The following CEP104 variants were observed in gnomAD, a reference collection of about 807,000 sequenced individuals.
The protein encoded by CEP104 is centrosomal protein of 104 kDa.
Under a neutral mutation model 113.3 loss-of-function variants are expected in CEP104, and 84 were observed. The observed-to-expected ratio is 0.74, with a 90% CI of 0.62 to 0.89. The LOEUF is 0.89. CEP104 is among the 40% of genes least tolerant of loss of function. The pLI is 0.00. For synonymous variants in CEP104, 378 were observed against 421.7 expected, an observed-to-expected ratio of 0.90 and a Z score of 1.27; for missense variants, 1,053 against 1,156.6, an observed-to-expected ratio of 0.91 and a Z score of 1.30.
At chr1:3,816,119 C>T (rs1045256202) in intron 21 of CEP104, 161 bp downstream of exon 21, 4 of 598,876 alleles carry the variant, frequency 6.7e-6, no homozygotes, top group Non-Finnish European at 1.1e-5. Flanking sequence ...TGATTATTAG[C>T]CTGCTTACTA....
intron 3 of CEP104, among the ~76,000 whole-genome samples, chr1:3,848,094 T>C (rs1319681401): frequency 6.6e-6 from 1 of 152,042 alleles, no homozygotes; most frequent in African/African-American, 2.4e-5. Flanking sequence ...ATCTGAAAAG[T>C]AGAGTTGAAT....
chr1:3,833,119 G>C (rs1458029525), intron 12 of CEP104, among the ~76,000 whole-genome samples: 29 of 151,592 alleles, frequency 1.9e-4, no homozygotes, highest in Non-Finnish European at 1.5e-5. Flanking sequence ...TAGCTGGGAC[G>C]ACAGGCACGC....
chr1:3,829,189 C>A, intron 15 of CEP104, 77 bp downstream of exon 15: 1 of 988,214 alleles, frequency 1.0e-6, no homozygotes, highest in South Asian at 1.8e-5. Flanking sequence ...AAAAATAAGT[C>A]AAGTATGATG....
chr1:3,834,489 A>T (rs1472308095), intron 11 of CEP104, among the ~76,000 whole-genome samples: 2 of 152,170 alleles, frequency 1.3e-5, no homozygotes, highest in African/African-American at 2.4e-5. Context: ...CTGAGTATCT[A>T]ACAGCCCTGC....
chr1:3,825,566 T>C (rs956809856), intron 18 of CEP104, among the ~76,000 whole-genome samples, 192 bp downstream of exon 18: 7 of 152,338 alleles, frequency 4.6e-5, no homozygotes, highest in Admixed American at 3.3e-4. Context: ...ACAGCATGTT[T>C]CCGGTTCACT....
chr1:3,841,418 T>C (rs1006375616), intron 6 of CEP104, among the ~76,000 whole-genome samples: 19 of 152,168 alleles, frequency 1.2e-4, no homozygotes, highest in Admixed American at 6.5e-4. Context: ...GCGAAACATT[T>C]TGGGGTGTCT....
At chr1:3,820,371 G>T (rs1643947077) in intron 20 of CEP104, among the ~76,000 whole-genome samples, 1 of 152,222 alleles carries the variant, frequency 6.6e-6, no homozygotes, top group Non-Finnish European at 1.5e-5. Flanking sequence ...CCACATTCTG[G>T]AGATAACCAG....
At chr1:3,841,834 T>G (rs1644418077) in intron 6 of CEP104, among the ~76,000 whole-genome samples, 1 of 152,208 alleles carries the variant, frequency 6.6e-6, no homozygotes, top group Admixed American at 6.5e-5. Flanking sequence ...GAAGCTTTAT[T>G]GGAGATACTG....
At position 3,831,178 on chromosome 1, in the gene CEP104, T is replaced by A; in HGVS notation, c.1704A>T (p.Pro568=). Residue 568 remains proline, a synonymous_variant, in exon 13 of 22, where the codon CCA becomes CCT. Transcript: ENST00000378230. ...CTTTCAATGGCTGCACCAGGTAGGA[T>A]GGAATAATTTGGAGAGACTTAACTT... ...FKEVKSLQII[P]SYLVQPLKAN... 3.7e-6 allele frequency: 6 copies of A among 1,614,192 alleles called. No individual in the cohort carries two copies. The South Asian group carries it at 6.6e-5, about 18-fold the overall frequency.
At chr1:3,832,175 T>C (rs1644220485) in intron 12 of CEP104, among the ~76,000 whole-genome samples, 1 of 152,284 alleles carries the variant, frequency 6.6e-6, no homozygotes, top group African/African-American at 2.4e-5. Context: ...TTTTGAAAGA[T>C]GAACCCTCCT....
At chr1:3,825,607 G>C (rs1570781141) in intron 18 of CEP104, 151 bp downstream of exon 18, 5 of 605,112 alleles carry the variant, frequency 8.3e-6, no homozygotes, top group Non-Finnish European at 1.5e-5. Context: ...TGACTCGCAC[G>C]CATTTGCGGG....
In CEP104 at chr1:3,815,266, A is replaced by C. The variant is rs1210022146; in HGVS notation, c.*136T>G. 4 of 653,150 alleles carry C rather than the reference A, an allele frequency of 6.1e-6. No homozygotes were observed. Among genetic ancestry groups the C allele is most frequent in the African/African-American group, 5.4e-5 (3 of 55,130 alleles). 40.5% of individuals were successfully genotyped at this position (653,150 alleles called of 1,614,324 possible). A position where few individuals can be genotyped will look rare whatever the true frequency, so the allele number is the denominator to read the frequency against. On this transcript the variant is annotated 3_prime_UTR_variant, in exon 22 of 22. Transcript: ENST00000378230. ...CGAGAGCTGACGGCACAGACGCGTA[A>C]GAGGCGTGCACGGCGGGGAGCTGGG...
At position 3,838,984 on chromosome 1, in the gene CEP104, T is replaced by C. The variant is rs889568080; in HGVS notation, c.871A>G (p.Ser291Gly). 15 of 1,614,046 alleles carry C rather than the reference T, an allele frequency of 9.3e-6. No individual in the cohort carries two copies. The highest frequency in any genetic ancestry group is 1.3e-5 in the Non-Finnish European group (15 of 1,180,042). The change falls in exon 8 of 22, where the codon AGC becomes GGC. Residue 291 changes from serine to glycine, a missense_variant. Ser to Gly is a moderately conservative substitution (Grantham distance 56). Transcript: ENST00000378230. ...AEVYEQLELHSLLDAELMRRP... is the reference protein window; with the variant it reads ...AEVYEQLELHGLLDAELMRRP... The stretch of plus-strand genomic sequence containing the variant: ...CCCACCAGCTCGGCATCCAGGAGGC[T>C]GTGCAGCTCCAGCTGCTCGTACACC...
chr1:3,825,162 G>C (rs1179509638), intron 18 of CEP104, among the ~76,000 whole-genome samples: 1 of 151,718 alleles, frequency 6.6e-6, no homozygotes, highest in Non-Finnish European at 1.5e-5. Flanking sequence ...GGCACTGTGG[G>C]AAGGGGGCAG....
At chr1:3,816,112 T>C in intron 21 of CEP104, 168 bp downstream of exon 21, 1 of 587,218 alleles carries the variant, frequency 1.7e-6, no homozygotes, top group Non-Finnish European at 2.9e-6. Flanking sequence ...ACGATTCTGA[T>C]TATTAGCCTG....
chr1:3,847,361 G>T, intron 4 of CEP104, 114 bp downstream of exon 4: 1 of 1,096,344 alleles, frequency 9.1e-7, no homozygotes. Flanking sequence ...TCTCCCAGAA[G>T]AGATCCTCTC....
intron 2 of CEP104, 44 bp downstream of exon 2, chr1:3,852,251 C>T (rs115781349): frequency 0.014 from 22,768 of 1,578,792 alleles, 193 homozygotes; most frequent in Middle Eastern, 0.028. Context: ...CTCAGGGACC[C>T]GAGGCTGCCT....
chr1:3,837,416 G>C lies in CEP104; in HGVS notation c.995C>G (p.Thr332Arg). The C allele has an allele frequency of 6.2e-7, 1 of 1,614,186 alleles. No homozygotes were observed. The change falls in exon 9 of 22, where the codon ACA becomes AGA. Residue 332 changes from threonine (T) to arginine (R), a missense_variant. Transcript: ENST00000378230. ...PSLPQLEERG[T>R]ENQFAEPFLQ... ...GAAAGGTTCTGCAAACTGGTTTTCT[G>C]TTCCTCTTTCTTCCAGTTGTGGTAG...
chr1:3,848,389 G>A (rs1186684555), intron 3 of CEP104, among the ~76,000 whole-genome samples: 1 of 151,848 alleles, frequency 6.6e-6, no homozygotes, highest in Admixed American at 6.6e-5. Context: ...AAAATTAGCC[G>A]GGCGTGATGG....
Sources: allele counts gnomAD v4.1 joint callset (sites outside exome capture counted in the v4.1 genomes callset), GRCh38; gene constraint gnomAD v4.1.1; transcripts MANE v1.5; gene names NCBI Gene and HGNC (gene_info 2026-07-23, HGNC 2026-07-21).